The following ZC3H12B variants were observed in gnomAD, a reference collection of about 807,000 sequenced individuals.
ZC3H12B encodes the protein zinc finger CCCH-type containing 12B.
Under a neutral mutation model 43.9 loss-of-function variants are expected in ZC3H12B, and 7 were observed. The observed-to-expected ratio is 0.16, with a 90% confidence interval of 0.09 to 0.30. ZC3H12B has a LOEUF of 0.30. Ranked by LOEUF, ZC3H12B falls within the 10% of genes least tolerant of loss-of-function variation. The pLI is 1.00. For synonymous variants in ZC3H12B, 222 were observed against 241.7 expected (o/e 0.92, Z 0.76); for missense variants, 475 against 670.2 (o/e 0.71, Z 3.22).
At chrX:65,316,417 AC>A in the ZC3H12B span, among the ~76,000 whole-genome samples, 2 of 111,931 alleles carry the variant, frequency 1.8e-5, no homozygotes, top group East Asian at 2.8e-4. Context: ...GAGAAAGGTG[AC>A]CTAAAAGTTT....
At chrX:65,289,559 A>T in the ZC3H12B span, among the ~76,000 whole-genome samples, 1 of 109,243 alleles carries the variant, frequency 9.2e-6, no homozygotes, top group Admixed American at 9.9e-5. Context: ...TATAATTATA[A>T]ATATTTTATA....
At chrX:65,486,312 A>C (rs1393460587), upstream of ZC3H12B, among the ~76,000 whole-genome samples, 1 of 112,322 alleles carries the variant, frequency 8.9e-6, no homozygotes, top group Non-Finnish European at 1.9e-5. Flanking sequence ...GTGCATTTCT[A>C]GGGTCACTTC....
intron 1 of ZC3H12B, among the ~76,000 whole-genome samples, chrX:65,492,054 C>A (rs774040092): frequency 9.0e-6 from 1 of 110,994 alleles, no homozygotes; most frequent in Non-Finnish European, 1.9e-5. Context: ...ATGTGTCCAA[C>A]TCAATCTGTC....
the ZC3H12B span, among the ~76,000 whole-genome samples, chrX:65,287,567 C>T: frequency 9.1e-6 from 1 of 110,449 alleles, no homozygotes; most frequent in Non-Finnish European, 1.9e-5. Context: ...TTGAGATCAG[C>T]CTGCTCAACA....
At chrX:65,163,200 G>T in the ZC3H12B span, among the ~76,000 whole-genome samples, 3 of 111,553 alleles carry the variant, frequency 2.7e-5, no homozygotes, top group Non-Finnish European at 3.8e-5. Context: ...TCCCAGTTAG[G>T]TTGCTCGGGG....
At chrX:65,236,243 C>G in the ZC3H12B span, among the ~76,000 whole-genome samples, 6 of 111,717 alleles carry the variant, frequency 5.4e-5, no homozygotes, top group Non-Finnish European at 1.1e-4. Flanking sequence ...TCAAGTTTCA[C>G]GAGGGACCTG....
chrX:65,441,697 C>T (rs999046135), intron 3 of ZC3H12B, among the ~76,000 whole-genome samples: 1 of 111,703 alleles, frequency 9.0e-6, no homozygotes, highest in Admixed American at 9.5e-5. Context: ...TAAAAGTAAT[C>T]GCATTGTCCC....
chrX:65,224,513 A>T, the ZC3H12B span, among the ~76,000 whole-genome samples: 1 of 112,667 alleles, frequency 8.9e-6, no homozygotes, highest in African/African-American at 3.2e-5. Context: ...GGAGTGCCAG[A>T]CAGTGGGCGC....
At chrX:65,384,494 C>T (rs1468326518) in intron 2 of ZC3H12B, among the ~76,000 whole-genome samples, 1 of 109,744 alleles carries the variant, frequency 9.1e-6, no homozygotes, top group Admixed American at 9.8e-5. Flanking sequence ...CACATGTACC[C>T]TAAAACATAA....
At chrX:65,160,126 G>A in the ZC3H12B span, among the ~76,000 whole-genome samples, 12 of 111,794 alleles carry the variant, frequency 1.1e-4, no homozygotes, top group Middle Eastern at 9.1e-3. Flanking sequence ...CTTGATCATG[G>A]TGGATAAGGT....
the ZC3H12B span, among the ~76,000 whole-genome samples, chrX:65,268,940 CTGTT>C: frequency 8.9e-6 from 1 of 112,126 alleles, no homozygotes; most frequent in Non-Finnish European, 1.9e-5. Context: ...GAAAGTATAT[CTGTT>C]TGCAGATTAC....
At chrX:65,113,985 G>GTATATATATATA in the ZC3H12B span, among the ~76,000 whole-genome samples, 1,139 of 47,131 alleles carry the variant, frequency 0.024, 134 homozygotes, top group Middle Eastern at 0.089. Context: ...AGATATGCTT[G>GTATATATATATA]TATATATATA....
At chrX:65,330,167 C>A in the ZC3H12B span, among the ~76,000 whole-genome samples, 72 of 109,748 alleles carry the variant, frequency 6.6e-4, no homozygotes, top group African/African-American at 2.3e-3. Context: ...GATATTGATT[C>A]TTCCTACCCA....
At chrX:65,158,623 GT>G in the ZC3H12B span, among the ~76,000 whole-genome samples, 2 of 111,377 alleles carry the variant, frequency 1.8e-5, no homozygotes, top group African/African-American at 6.5e-5. Context: ...GGGGTTGTTT[GT>G]TTTTTTCTTG....
chrX:65,267,036 G>A, the ZC3H12B span, among the ~76,000 whole-genome samples: 1 of 110,272 alleles, frequency 9.1e-6, no homozygotes, highest in Admixed American at 9.8e-5. Flanking sequence ...GCTCAGAAAA[G>A]GCCTGAGAAG....
At chrX:65,081,892 G>A in the ZC3H12B span, among the ~76,000 whole-genome samples, 1 of 111,458 alleles carries the variant, frequency 9.0e-6, no homozygotes, top group Non-Finnish European at 1.9e-5. Flanking sequence ...CACAAAACAA[G>A]TCTCAAAAAA....
the ZC3H12B span, among the ~76,000 whole-genome samples, chrX:65,159,765 G>A: frequency 9.0e-6 from 1 of 111,512 alleles, no homozygotes; most frequent in Non-Finnish European, 1.9e-5. Flanking sequence ...TCCTTCTCTT[G>A]CCTGATTGCC....
chrX:65,132,385 G>A, the ZC3H12B span, among the ~76,000 whole-genome samples: 1 of 110,877 alleles, frequency 9.0e-6, no homozygotes, highest in Non-Finnish European at 1.9e-5. Context: ...GCCTGTTGTG[G>A]GATGGGATAC....
At chrX:65,212,251 A>T in the ZC3H12B span, among the ~76,000 whole-genome samples, 6 of 45,425 alleles carry the variant, frequency 1.3e-4, no homozygotes, top group African/African-American at 6.6e-4. Flanking sequence ...TTATTATATA[A>T]TATATAATAT....
Sources: gnomAD v4.1 joint callset for allele counts (sites outside exome capture counted in the v4.1 genomes callset) on GRCh38, gnomAD v4.1.1 for gene constraint, MANE v1.5 for transcripts, NCBI Gene and HGNC (gene_info 2026-07-23, HGNC 2026-07-21) for gene names.